Variants in CALD1 observed in about 807,000 individuals in gnomAD.
CALD1 encodes the protein caldesmon 1.
Under a neutral mutation model 99.9 loss-of-function variants are expected in CALD1, and 33 were observed. The observed-to-expected ratio is 0.33, with a 90% CI of 0.25 to 0.44. The LOEUF (loss-of-function observed/expected upper bound fraction) is 0.44. Among genes scored for constraint, CALD1 ranks in the 20% least tolerant of loss-of-function variants. CALD1 has a pLI of 1.00. For synonymous variants in CALD1, 310 were observed against 325.0 expected (o/e 0.95, Z 0.50); for missense variants, 861 against 962.1 (o/e 0.89, Z 1.39).
At chr7:134,935,555 G>A in intron 5 of CALD1, 133 bp from the exon 6 acceptor site, 1 of 1,413,300 alleles carries the variant, frequency 7.1e-7, no homozygotes. Flanking sequence ...CCACTGTGCT[G>A]TGAGCGCTGA....
intron 3 of CALD1, among the ~76,000 whole-genome samples, chr7:134,911,303 C>T (rs2132702774): frequency 6.6e-6 from 1 of 151,364 alleles, no homozygotes; most frequent in Non-Finnish European, 1.5e-5. Flanking sequence ...CAGGTGTAGC[C>T]AGGTATTCCT....
the CALD1 span, among the ~76,000 whole-genome samples, chr7:134,734,407 C>T: frequency 6.6e-6 from 1 of 152,032 alleles, no homozygotes; most frequent in Non-Finnish European, 1.5e-5. Context: ...CACAGCATGC[C>T]ATGTGAAGAC....
intron 3 of CALD1, among the ~76,000 whole-genome samples, chr7:134,899,212 T>G (rs1741943465): frequency 6.6e-6 from 1 of 151,502 alleles, no homozygotes; most frequent in Non-Finnish European, 1.5e-5. Context: ...TTTTTCTTTT[T>G]TTTTTTTTTT....
At chr7:134,960,189 T>A in intron 12 of CALD1, 78 bp downstream of exon 12, 1 of 1,480,622 alleles carries the variant, frequency 6.8e-7, no homozygotes, top group Non-Finnish European at 9.4e-7. Context: ...GGAATCACAC[T>A]AGTAAATAAT....
intron 1 of CALD1, among the ~76,000 whole-genome samples, chr7:134,765,455 G>C (rs986309110): frequency 1.3e-5 from 2 of 152,020 alleles, no homozygotes; most frequent in Non-Finnish European, 2.9e-5. Context: ...CTTCCTCCTT[G>C]ATTGCCTGAC....
At chr7:134,867,895 G>A in intron 3 of CALD1, 91 bp downstream of exon 3, 1 of 662,622 alleles carries the variant, frequency 1.5e-6, no homozygotes. Context: ...GGCCAAATGT[G>A]GTCATATCGC....
intron 1 of CALD1, among the ~76,000 whole-genome samples, chr7:134,788,821 C>T (rs924898626): frequency 1.3e-5 from 2 of 151,996 alleles, no homozygotes; most frequent in Non-Finnish European, 2.9e-5. Context: ...TTGAGACTAG[C>T]CTGAGCAAAA....
intron 1 of CALD1, among the ~76,000 whole-genome samples, chr7:134,831,162 ATAAT>A (rs1364516746): frequency 6.6e-6 from 1 of 152,200 alleles, no homozygotes; most frequent in Non-Finnish European, 1.5e-5. Context: ...TATGTATAAT[ATAAT>A]AAGTGAAAAA....
chr7:134,743,974 A>G (rs1489142534), upstream of CALD1, among the ~76,000 whole-genome samples: 1 of 152,248 alleles, frequency 6.6e-6, no homozygotes, highest in Non-Finnish European at 1.5e-5. Context: ...AATGAAAAAT[A>G]GCCAATCAGA....
the CALD1 span, among the ~76,000 whole-genome samples, chr7:134,711,660 C>CTCTCTCTCTCTCTCTCTCTATA: frequency 5.1e-5 from 4 of 78,354 alleles, no homozygotes; most frequent in African/African-American, 2.5e-4. Flanking sequence ...CTCTCTCTCT[C>CTCTCTCTCTCTCTCTCTCTATA]TATATATATA....
chr7:134,738,636 T>C, the CALD1 span, among the ~76,000 whole-genome samples: 2 of 152,208 alleles, frequency 1.3e-5, no homozygotes, highest in Non-Finnish European at 2.9e-5. Context: ...AGATGAGAGC[T>C]GTCTGGTATA....
intron 9 of CALD1, among the ~76,000 whole-genome samples, chr7:134,955,261 G>A (rs757658642): frequency 1.6e-4 from 25 of 152,082 alleles, no homozygotes; most frequent in Admixed American, 7.9e-4. Context: ...ATGGTGGCGC[G>A]CATCTGTAGT....
the CALD1 span, among the ~76,000 whole-genome samples, chr7:134,732,457 C>A: frequency 1.3e-5 from 2 of 152,114 alleles, no homozygotes; most frequent in African/African-American, 4.8e-5. Context: ...GGATCTGTGC[C>A]CTTATAAAAT....
intron 3 of CALD1, among the ~76,000 whole-genome samples, chr7:134,908,168 G>A (rs928615602): frequency 2.0e-5 from 3 of 151,976 alleles, no homozygotes; most frequent in African/African-American, 4.8e-5. Flanking sequence ...AAATCTTCTC[G>A]GTCACCAGGC....
At chr7:134,816,805 A>T (rs1467239707) in intron 1 of CALD1, among the ~76,000 whole-genome samples, 1 of 152,200 alleles carries the variant, frequency 6.6e-6, no homozygotes, top group African/African-American at 2.4e-5. Flanking sequence ...TTTCATTGAC[A>T]ATCCCATGGC....
chr7:134,943,945 C>T (rs950024794), intron 7 of CALD1, among the ~76,000 whole-genome samples: 3 of 152,148 alleles, frequency 2.0e-5, no homozygotes, highest in Admixed American at 2.0e-4. Context: ...TTTAGCCAGT[C>T]CCTAATGACG....
intron 1 of CALD1, among the ~76,000 whole-genome samples, chr7:134,798,863 C>T (rs938228085): frequency 6.6e-6 from 1 of 152,140 alleles, no homozygotes. Context: ...GGGGTGGCAC[C>T]TTATGGTGGA....
In CALD1 at chr7:134,965,242, T is replaced by C. The variant is rs554102707; in HGVS notation, c.2296-64T>C. The C allele has an allele frequency of 7.6e-4, 622 of 819,456 alleles. 10 individuals are homozygous for C. In the South Asian group the frequency reaches 8.2e-3, roughly 11 times the overall value. 50.8% of individuals were successfully genotyped at this position (819,456 alleles called of 1,614,324 possible). A position where few individuals can be genotyped will look rare whatever the true frequency, so the allele number is the denominator to read the frequency against. ...AATAAACAATAGATGTGGCCATTTA[T>C]TTAGAGCTGGCTAGAAAATATAAAT... On this transcript the variant is annotated intron_variant, in intron 13 of 14. Transcript: ENST00000361675.
At chr7:134,768,688 A>C (rs758235129) in intron 1 of CALD1, among the ~76,000 whole-genome samples, 2 of 152,238 alleles carry the variant, frequency 1.3e-5, no homozygotes, top group African/African-American at 4.8e-5. Context: ...TTTAAAAAAA[A>C]CAAAACAACA....
Sources: gnomAD v4.1 joint callset for allele counts (sites outside exome capture counted in the v4.1 genomes callset) on GRCh38, gnomAD v4.1.1 for gene constraint, MANE v1.5 for transcripts, NCBI Gene and HGNC (gene_info 2026-07-23, HGNC 2026-07-21) for gene names.